Variants in VTI1A observed in about 807,000 individuals in gnomAD.
The protein encoded by VTI1A is vesicle transport through interaction with t-SNAREs homolog 1A.
VTI1A carries 22 observed loss-of-function variants against 34.9 expected under a neutral mutation model. The ratio of observed to expected loss-of-function variants is 0.63; its 90% confidence interval spans 0.45 to 0.90. VTI1A has a LOEUF of 0.90. VTI1A is among the 40% of genes least tolerant of loss of function. The pLI is 0.00. For missense variants in VTI1A, 268 were observed against 275.6 expected, an observed-to-expected ratio of 0.97 and a Z score of 0.20; for synonymous variants, 87 against 97.3, an observed-to-expected ratio of 0.89 and a Z score of 0.62.
At position 112,701,003 on chromosome 10, in the gene VTI1A, G is replaced by A. The variant is rs138341726; in HGVS notation, c.560+32005G>A. Among the ~76,000 whole-genome samples the A allele has an allele frequency of 7.2e-5, 11 of 152,288 alleles. No homozygotes were observed. The East Asian group carries it at 2.1e-3, about 29-fold the overall frequency. On this transcript the variant is annotated intron_variant, in intron 7 of 7. Coordinates refer to ENST00000393077, the MANE Select transcript of VTI1A (RefSeq NM_145206.4). ...TTCTGTGGGTTTTAGGTTGCAAAGAGAGTTAATGGATGCTAAATTAAATTA... is the reference window on the plus strand; with the variant it reads ...TTCTGTGGGTTTTAGGTTGCAAAGAAAGTTAATGGATGCTAAATTAAATTA...
chr10:112,805,606 G>A (rs1853046789), intron 7 of VTI1A, among the ~76,000 whole-genome samples: 1 of 152,220 alleles, frequency 6.6e-6, no homozygotes. Context: ...TAGTTAAGAT[G>A]AGGTACGGGA....
intron 5 of VTI1A, among the ~76,000 whole-genome samples, chr10:112,649,869 TA>T (rs1846943202): frequency 6.6e-6 from 1 of 152,042 alleles, no homozygotes; most frequent in South Asian, 2.1e-4. Flanking sequence ...ATATAAGAGA[TA>T]AAAAATGATC....
chr10:112,467,827 A>G (rs535030482), intron 3 of VTI1A, among the ~76,000 whole-genome samples: 1 of 152,376 alleles, frequency 6.6e-6, no homozygotes, highest in East Asian at 1.9e-4. Context: ...TATAGATTTC[A>G]TTCAACAAGA....
At chr10:112,774,778 A>T (rs1416516602) in intron 7 of VTI1A, among the ~76,000 whole-genome samples, 1 of 152,184 alleles carries the variant, frequency 6.6e-6, no homozygotes, top group Non-Finnish European at 1.5e-5. Flanking sequence ...AATTATTGGG[A>T]CAACACAATT....
intron 7 of VTI1A, among the ~76,000 whole-genome samples, chr10:112,734,875 G>A (rs1436156463): frequency 1.3e-5 from 2 of 151,744 alleles, no homozygotes; most frequent in African/African-American, 2.4e-5. Context: ...CAAGTGATCC[G>A]CCCATCTCGG....
At chr10:112,503,291 A>C (rs1849309117) in intron 3 of VTI1A, among the ~76,000 whole-genome samples, 1 of 152,154 alleles carries the variant, frequency 6.6e-6, no homozygotes, top group Admixed American at 6.6e-5. Flanking sequence ...CGCCTGTGGT[A>C]ACCACCAATC....
chr10:112,579,020 G>A (rs1321915680), intron 5 of VTI1A, among the ~76,000 whole-genome samples: 1 of 152,192 alleles, frequency 6.6e-6, no homozygotes, highest in Non-Finnish European at 1.5e-5. Context: ...AAGAATATGA[G>A]TTTAATTGTC....
chr10:112,591,045 G>T (rs1328135550), intron 5 of VTI1A, among the ~76,000 whole-genome samples: 1 of 152,168 alleles, frequency 6.6e-6, no homozygotes, highest in Non-Finnish European at 1.5e-5. Flanking sequence ...AGGTTGCAGT[G>T]AGCCGAGATT....
chr10:112,825,516 C>T, the VTI1A span: 3 of 152,284 alleles, frequency 2.0e-5, no homozygotes, highest in Non-Finnish European at 2.9e-5. Context: ...GGGGGCTGCC[C>T]ATCTGCTATG....
In VTI1A at chr10:112,599,018, G is replaced by A. The variant is rs193255235; in HGVS notation, c.427+60688G>A. Among the ~76,000 whole-genome samples the A allele has an allele frequency of 8.0e-4, 122 of 152,146 alleles. 1 individual carries two copies. Among genetic ancestry groups the A allele is most frequent in the African/African-American group, 2.6e-3 (106 of 41,474 alleles). On this transcript the variant is annotated intron_variant, in intron 5 of 7. Coordinates refer to ENST00000393077, the MANE Select transcript of VTI1A (RefSeq NM_145206.4). ...CCTTCCTTCATTCAGTCAATCCTCC[G>A]TTCACCATTTCTCCAAAACATACCA...
At chr10:112,470,913 A>C (rs550503422) in intron 3 of VTI1A, among the ~76,000 whole-genome samples, 1 of 152,140 alleles carries the variant, frequency 6.6e-6, no homozygotes, top group South Asian at 2.1e-4. Flanking sequence ...ATAAAAAAGC[A>C]TCAGACTTTC....
chr10:112,541,799 C>T (rs949227680), intron 5 of VTI1A, among the ~76,000 whole-genome samples: 32 of 152,168 alleles, frequency 2.1e-4, no homozygotes, highest in African/African-American at 7.5e-4. Context: ...TTCCTAAGTG[C>T]TGTTCACACC....
At chr10:112,768,701 G>A (rs2134018380) in intron 7 of VTI1A, among the ~76,000 whole-genome samples, 1 of 152,268 alleles carries the variant, frequency 6.6e-6, no homozygotes, top group East Asian at 1.9e-4. Flanking sequence ...GGGTGAGGGT[G>A]GGGAAAGAAA....
Position 112,527,094 on chromosome 10 carries a change from C to G in VTI1A, c.272C>G (p.Ser91Ter), listed in dbSNP as rs749391833. 1 of 1,612,884 alleles carries G rather than the reference C, an allele frequency of 6.2e-7. No individual in the cohort carries two copies. Among genetic ancestry groups the G allele is most frequent in the Admixed American group, 1.7e-5 (1 of 59,842 alleles). Reference sequence around the variant, plus strand: ...TTTTGTTTTGTTTTATAGAAAAGGTCACGGATCGCCTACAGTGACGAAGTA... The same window carrying G: ...TTTTGTTTTGTTTTATAGAAAAGGTGACGGATCGCCTACAGTGACGAAGTA... ...MGKLETDFKRSRIAYSDEVRN... is the reference protein window; with the variant it reads ...MGKLETDFKR Residue 91 changes from serine to a stop codon, truncating the protein, a stop_gained, in exon 4 of 8, where the codon TCA (serine) becomes TGA (stop). Transcript: ENST00000393077. LOFTEE classifies it high-confidence loss of function.
chr10:112,805,745 A>C (rs892249769), intron 7 of VTI1A, among the ~76,000 whole-genome samples: 1 of 152,156 alleles, frequency 6.6e-6, no homozygotes, highest in Non-Finnish European at 1.5e-5. Flanking sequence ...TCTACAAGCT[A>C]AGGGACCCCA....
intron 7 of VTI1A, among the ~76,000 whole-genome samples, chr10:112,719,765 C>G (rs1849736269): frequency 6.6e-6 from 1 of 152,188 alleles, no homozygotes; most frequent in Admixed American, 6.5e-5. Context: ...AGGCTGGTCT[C>G]AAACTCCCAA....
At chr10:112,526,046 C>A (rs1850212758) in intron 3 of VTI1A, among the ~76,000 whole-genome samples, 1 of 152,116 alleles carries the variant, frequency 6.6e-6, no homozygotes, top group South Asian at 2.1e-4. Context: ...TTTCCAGCTG[C>A]CATTTTTTAA....
chr10:112,808,813 G>T (rs1853183124), intron 7 of VTI1A, among the ~76,000 whole-genome samples: 1 of 152,110 alleles, frequency 6.6e-6, no homozygotes, highest in Admixed American at 6.6e-5. Context: ...TCTCGGCTCT[G>T]CATTCCTCTG....
intron 5 of VTI1A, among the ~76,000 whole-genome samples, chr10:112,583,400 A>G (rs1280689216): frequency 6.6e-6 from 1 of 152,242 alleles, no homozygotes; most frequent in African/African-American, 2.4e-5. Context: ...TTTATCAGGA[A>G]TGCGGTTGCA....
Sources: gnomAD v4.1 joint callset for allele counts (sites outside exome capture counted in the v4.1 genomes callset) on GRCh38, gnomAD v4.1.1 for gene constraint, MANE v1.5 for transcripts, NCBI Gene and HGNC (gene_info 2026-07-23, HGNC 2026-07-21) for gene names.